The following BRAF variants were observed in gnomAD, a reference collection of about 807,000 sequenced individuals.
BRAF encodes B-Raf proto-oncogene, serine/threonine kinase, also known as serine/threonine-protein kinase B-raf.
BRAF carries 16 observed loss-of-function variants against 104.6 expected under a neutral mutation model. The observed-to-expected ratio is 0.15, with a 90% CI of 0.10 to 0.23. The LOEUF (loss-of-function observed/expected upper bound fraction) is 0.23. BRAF is among the 10% of genes least tolerant of loss of function. The probability of loss-of-function intolerance (pLI) is 1.00; values close to 1 mark genes in which losing one functional copy is unlikely to be tolerated. For synonymous variants in BRAF, 310 were observed against 341.6 expected (o/e 0.91, Z 1.02); for missense variants, 541 against 937.3 (o/e 0.58, Z 5.52).
At chr7:140,718,064 C>T (rs1349270397), downstream of BRAF, among the ~76,000 whole-genome samples, 2 of 152,080 alleles carry the variant, frequency 1.3e-5, no homozygotes, top group African/African-American at 4.8e-5. Context: ...TTTTCTGTTC[C>T]TTCATATTAT....
chr7:140,872,698 TA>T (rs955070367), intron 1 of BRAF, among the ~76,000 whole-genome samples: 7 of 150,400 alleles, frequency 4.7e-5, no homozygotes, highest in African/African-American at 9.8e-5. Flanking sequence ...CTACCAAAAA[TA>T]AAAAAAAATA....
At chr7:140,881,623 A>G (rs1812928006) in intron 1 of BRAF, among the ~76,000 whole-genome samples, 1 of 152,010 alleles carries the variant, frequency 6.6e-6, no homozygotes, top group Non-Finnish European at 1.5e-5. Context: ...TACATTCACA[A>G]CCTAGCTGTC....
At chr7:140,809,906 T>G (rs1414508076) in intron 3 of BRAF, among the ~76,000 whole-genome samples, 1 of 128,272 alleles carries the variant, frequency 7.8e-6, no homozygotes, top group Non-Finnish European at 1.5e-5. Flanking sequence ...ATATTTAAAG[T>G]TATCTATCTT....
At chr7:140,742,798 G>T (rs980499919) in intron 17 of BRAF, among the ~76,000 whole-genome samples, 36 of 151,854 alleles carry the variant, frequency 2.4e-4, no homozygotes, top group African/African-American at 8.7e-4. Context: ...CTACAAAATG[G>T]GAGAAAATTT....
intron 5 of BRAF, among the ~76,000 whole-genome samples, chr7:140,805,402 G>A (rs1466778323): frequency 2.6e-5 from 4 of 151,998 alleles, no homozygotes; most frequent in Non-Finnish European, 4.4e-5. Context: ...AACCAAGTAG[G>A]TAGGTGACCA....
intron 14 of BRAF, among the ~76,000 whole-genome samples, chr7:140,762,284 T>A (rs1209870283): frequency 6.6e-6 from 1 of 152,200 alleles, no homozygotes; most frequent in Non-Finnish European, 1.5e-5. Flanking sequence ...TGCTCCTGAA[T>A]GACTACTGGG....
intron 7 of BRAF, among the ~76,000 whole-genome samples, chr7:140,795,339 G>A (rs1385164162): frequency 1.3e-5 from 2 of 152,128 alleles, no homozygotes; most frequent in East Asian, 1.9e-4. Context: ...CTAGGAGTGG[G>A]GAAATGAGTG....
intron 18 of BRAF, 21 bp downstream of exon 17, chr7:140,739,791 T>C (rs779422978): frequency 4.3e-6 from 7 of 1,611,450 alleles, no homozygotes; most frequent in South Asian, 2.2e-5. Context: ...TTCTTTTGGA[T>C]AGCATGAAGC....
intron 1 of BRAF, among the ~76,000 whole-genome samples, chr7:140,874,936 T>C (rs1378550470): frequency 1.3e-5 from 2 of 152,170 alleles, no homozygotes; most frequent in African/African-American, 2.4e-5. Context: ...CCTCCCCATC[T>C]CTTGCTTCTG....
At chr7:140,909,792 A>G (rs1458001160) in intron 1 of BRAF, among the ~76,000 whole-genome samples, 1 of 151,534 alleles carries the variant, frequency 6.6e-6, no homozygotes, top group East Asian at 1.9e-4. Context: ...GGGCAACAAG[A>G]GCGAAACTCC....
intron 8 of BRAF, among the ~76,000 whole-genome samples, chr7:140,790,380 G>C (rs1801831143): frequency 6.6e-6 from 1 of 152,014 alleles, no homozygotes. Context: ...TTGAAAACTG[G>C]ATATTTCAAC....
intron 1 of BRAF, among the ~76,000 whole-genome samples, chr7:140,865,467 T>C (rs1289287294): frequency 6.6e-6 from 1 of 152,194 alleles, no homozygotes; most frequent in African/African-American, 2.4e-5. Flanking sequence ...GGTATACATT[T>C]AAAGCACTAC....
intron 17 of BRAF, among the ~76,000 whole-genome samples, chr7:140,742,126 G>C (rs147252244): frequency 3.9e-5 from 6 of 152,240 alleles, no homozygotes; most frequent in African/African-American, 1.4e-4. Flanking sequence ...CTTTAAATTA[G>C]AGTCAAGTAT....
intron 7 of BRAF, chr7:140,799,228 AC>A: frequency 4.4e-6 from 1 of 228,278 alleles, no homozygotes; most frequent in Non-Finnish European, 8.7e-6. Context: ...TTTTTCTTTT[AC>A]GCTTTATGAA....
chr7:140,877,411 T>C (rs1812394446), intron 1 of BRAF, among the ~76,000 whole-genome samples: 1 of 151,840 alleles, frequency 6.6e-6, no homozygotes, highest in South Asian at 2.1e-4. Context: ...CACCAAGCCC[T>C]GCTCTTAAAC....
At position 140,739,670 on chromosome 7, in the gene BRAF, C is replaced by A. The variant is rs548025811; in HGVS notation, c.2247+142G>T. 5.9e-5 allele frequency: 55 copies of A among 933,174 alleles called. 2 individuals are homozygous for A. In the South Asian group the frequency reaches 8.0e-4, roughly 14 times the overall value. The allele number at this position is 933,174 out of a possible 1,614,324, so 57.8% of individuals were successfully genotyped here. On this transcript the variant is annotated intron_variant, in intron 18 of 19. Coordinates refer to ENST00000644969, the MANE Select transcript of BRAF (RefSeq NM_001374258.1). ...GTGCCACTGCTCAACCCTCATGAAG[C>A]CATCTTAATGTGTTTTCTTGTCTGG...
chr7:140,725,857 A>G lies in BRAF; in HGVS notation c.*637T>C. 2 of 1,063,230 alleles carry G rather than the reference A, an allele frequency of 1.9e-6. No individual in the cohort carries two copies. The highest frequency in any genetic ancestry group is 2.3e-6 in the Non-Finnish European group (2 of 878,032). The allele number at this position is 1,063,230 out of a possible 1,614,324, so 65.9% of individuals were successfully genotyped here. A position where few individuals can be genotyped will look rare whatever the true frequency, so the allele number is the denominator to read the frequency against. On this transcript the variant is annotated 3_prime_UTR_variant, in exon 20 of 20. Coordinates refer to ENST00000644969, the MANE Select transcript of BRAF (RefSeq NM_001374258.1). ...CCGGAGGTCAGGAAGAAGATGCAGC[A>G]TGCCCTTTTCCTCCATACCAAGACA...
intron 1 of BRAF, among the ~76,000 whole-genome samples, chr7:140,905,863 C>T (rs929627512): frequency 5.3e-5 from 8 of 151,330 alleles, no homozygotes; most frequent in East Asian, 3.9e-4. Flanking sequence ...CCGAGGCGGG[C>T]GGATCACGAG....
chr7:140,725,495 G>T lies in BRAF; in HGVS notation c.*999C>A, dbSNP rs1585896368. 8.3e-6 allele frequency: 8 copies of T among 963,272 alleles called. No individual in the cohort carries two copies. The East Asian group carries it at 4.7e-4, about 57-fold the overall frequency. The allele number at this position is 963,272 out of a possible 1,614,324, so 59.7% of individuals were successfully genotyped here. A position where few individuals can be genotyped will look rare whatever the true frequency, so the allele number is the denominator to read the frequency against. On this transcript the variant is annotated 3_prime_UTR_variant, in exon 20 of 20. Transcript: ENST00000644969. The stretch of plus-strand genomic sequence containing the variant: ...ATAAAAATAGAAAAGAAGAAACTCA[G>T]AAATTAAAACCTGTACCTTATATTT...
Sources: gnomAD v4.1 joint callset for allele counts (sites outside exome capture counted in the v4.1 genomes callset) on GRCh38, gnomAD v4.1.1 for gene constraint, MANE v1.5 for transcripts, NCBI Gene and HGNC (gene_info 2026-07-23, HGNC 2026-07-21) for gene names.